OTUB2: variants seen among roughly 807,000 people sequenced by gnomAD.
OTUB2 encodes the protein ubiquitin thioesterase OTUB2.
Under a neutral mutation model 25.1 loss-of-function variants are expected in OTUB2, and 21 were observed. The ratio of observed to expected loss-of-function variants is 0.84; its 90% confidence interval spans 0.59 to 1.21. OTUB2 has a LOEUF of 1.21. Among genes scored for constraint, OTUB2 ranks in the 50% most tolerant of loss-of-function variants. The pLI is 0.00. For missense variants in OTUB2, 283 were observed against 298.0 expected (o/e 0.95, Z 0.37); for synonymous variants, 122 against 122.8 (o/e 0.99, Z 0.04).
chr14:94,027,171 G>T (rs1174009831), intron 1 of OTUB2, among the ~76,000 whole-genome samples: 1 of 152,250 alleles, frequency 6.6e-6, no homozygotes, highest in Non-Finnish European at 1.5e-5. Context: ...GCAGAACGAG[G>T]CCCAGAGACC....
At position 94,044,726 on chromosome 14, in the gene OTUB2, C is replaced by T. The variant is rs1885236077; in HGVS notation, c.444C>T (p.Asp148=). 6.2e-7 allele frequency: 1 copy of T among 1,613,848 alleles called. No individual in the cohort carries two copies. Among genetic ancestry groups the T allele is most frequent in the Admixed American group, 1.7e-5 (1 of 60,010 alleles). Residue 148 remains aspartate, a synonymous_variant, in exon 5 of 6, where the codon GAC becomes GAT. Coordinates refer to ENST00000203664, the MANE Select transcript of OTUB2 (RefSeq NM_023112.4). Reference sequence around the variant, plus strand: ...CGGCCTTCATCAGGAACCGAGCAGACTTCTTCCGGCACTTCATTGATGAGG... The same window carrying T: ...CGGCCTTCATCAGGAACCGAGCAGATTTCTTCCGGCACTTCATTGATGAGG... ...LTSAFIRNRA[D]FFRHFIDEEM... is the part of the protein sequence containing the mutation.
At position 94,045,855 on chromosome 14, in the gene OTUB2, C is replaced by T. The variant is rs374701893; in HGVS notation, c.638C>T (p.Thr213Ile). ...LNHHVFPEAA[T>I]PSVYLLYKTS... The stretch of plus-strand genomic sequence containing the variant: ...CACCACGTGTTCCCTGAGGCCGCCA[C>T]CCCTTCCGTTTACCTGCTCTATAAA... The change falls in exon 6 of 6, where the codon ACC becomes ATC. Residue 213 changes from threonine to isoleucine, a missense_variant. Thr to Ile is a moderately conservative substitution (Grantham distance 89). Transcript: ENST00000203664. The T allele has an allele frequency of 6.2e-6, 10 of 1,614,098 alleles. No homozygotes were observed. The African/African-American group carries it at 1.2e-4, about 19-fold the overall frequency.
chr14:94,030,891 C>T (rs1173856867), intron 1 of OTUB2, among the ~76,000 whole-genome samples: 3 of 152,136 alleles, frequency 2.0e-5, no homozygotes, highest in African/African-American at 7.2e-5. Context: ...ATAGATTCTC[C>T]TCTAGAGCCC....
intron 5 of OTUB2, 128 bp downstream of exon 5, chr14:94,044,908 AG>A: frequency 9.9e-7 from 1 of 1,005,692 alleles, no homozygotes; most frequent in Non-Finnish European, 1.4e-6. Context: ...AAACAGAGCT[AG>A]GTCAGCAAGC....
chr14:94,030,604 G>T (rs776366697), intron 1 of OTUB2, among the ~76,000 whole-genome samples: 19 of 152,114 alleles, frequency 1.2e-4, no homozygotes, highest in Non-Finnish European at 2.6e-4. Context: ...GCAGGGTCTT[G>T]TCACTTTTCT....
In OTUB2 at chr14:94,026,611, G is replaced by C. The variant is rs1884866264; in HGVS notation, c.3+71G>C. 15 of 1,183,426 alleles carry C rather than the reference G, an allele frequency of 1.3e-5. 1 individual carries two copies. The South Asian group carries it at 5.1e-4, about 40-fold the overall frequency. The allele number at this position is 1,183,426 out of a possible 1,614,324, so 73.3% of individuals were successfully genotyped here. On this transcript the variant is annotated intron_variant, in intron 1 of 5. Transcript: ENST00000203664. ...CGGTGGGCGGGGTCGCTGCCGGAGC[G>C]GGTGCACCCGCGGGACGGGGGTCGG...
In OTUB2 at chr14:94,046,018, T is replaced by C. The variant is rs949035753; in HGVS notation, c.*96T>C. On this transcript the variant is annotated 3_prime_UTR_variant, in exon 6 of 6. Coordinates refer to ENST00000203664, the MANE Select transcript of OTUB2 (RefSeq NM_023112.4). ...TCAATTTTTTAAGCAATTTAGACTG[T>C]AGCAAGAAAATGTGCAGCCTTTTGG... 18 of 1,387,298 alleles carry C rather than the reference T, an allele frequency of 1.3e-5. No homozygotes were observed. The highest frequency in any genetic ancestry group is 6.2e-5 in the South Asian group (5 of 80,648). The allele number at this position is 1,387,298 out of a possible 1,614,324, so 85.9% of individuals were successfully genotyped here. A position where few individuals can be genotyped will look rare whatever the true frequency, so the allele number is the denominator to read the frequency against.
rs541922112 is a variant in OTUB2 at position 94,035,575 on chromosome 14, C to T, written c.4-1805C>T. On this transcript the variant is annotated intron_variant, in intron 1 of 5. Transcript: ENST00000203664. ...AAGTGCTGGTATTACAAGCATGAGC[C>T]ACCGTGCCTGGCCCATCCAGTTCTT... Among the ~76,000 whole-genome samples the T allele has an allele frequency of 1.6e-4, 24 of 152,276 alleles. No homozygotes were observed. The South Asian group carries it at 3.5e-3, about 22-fold the overall frequency.
At chr14:94,033,057 G>A (rs900002712) in intron 1 of OTUB2, among the ~76,000 whole-genome samples, 1 of 152,146 alleles carries the variant, frequency 6.6e-6, no homozygotes. Context: ...GACTACAGGT[G>A]CCCACCACCA....
At chr14:94,040,247 C>A (rs1355151982) in intron 3 of OTUB2, among the ~76,000 whole-genome samples, 1 of 152,202 alleles carries the variant, frequency 6.6e-6, no homozygotes, top group East Asian at 1.9e-4. Flanking sequence ...GATTGTTTTG[C>A]CAGTGACAGA....
chr14:94,028,439 G>A (rs1044551776), intron 1 of OTUB2, among the ~76,000 whole-genome samples: 8 of 152,196 alleles, frequency 5.3e-5, no homozygotes, highest in Non-Finnish European at 1.0e-4. Context: ...GAGGAAGGGC[G>A]CCCCGTGGAA....
intron 5 of OTUB2, among the ~76,000 whole-genome samples, chr14:94,045,290 G>A (rs1885249498): frequency 6.6e-6 from 1 of 152,084 alleles, no homozygotes; most frequent in Non-Finnish European, 1.5e-5. Flanking sequence ...CGTCTCTGCA[G>A]CACCCGGACT....
intron 1 of OTUB2, among the ~76,000 whole-genome samples, chr14:94,030,852 G>C (rs963105481): frequency 1.3e-5 from 2 of 152,012 alleles, no homozygotes. Context: ...CGGGAAACCC[G>C]GGAGCCTCTA....
rs909009495 is a variant in OTUB2, at chr14:94,047,716, C to T, written c.*1794C>T. The T allele has an allele frequency of 2.1e-4, 32 of 152,264 alleles. No individual in the cohort carries two copies. Among genetic ancestry groups the T allele is most frequent in the African/African-American group, 7.5e-4 (31 of 41,460 alleles). 9.4% of individuals were successfully genotyped at this position (152,264 alleles called of 1,614,324 possible). A position where few individuals can be genotyped will look rare whatever the true frequency, so the allele number is the denominator to read the frequency against. On this transcript the variant is annotated 3_prime_UTR_variant, in exon 6 of 6. Transcript: ENST00000203664. ...GTTCTAAGGGGCTGTAAGGTGGGCT[C>T]TGGGCCTTCCAGCTAGGCTCTCAAG...
intron 1 of OTUB2, among the ~76,000 whole-genome samples, chr14:94,028,349 A>T (rs111334034): frequency 6.6e-6 from 1 of 152,134 alleles, no homozygotes; most frequent in Non-Finnish European, 1.5e-5. Context: ...CATTGTGTGG[A>T]TGGTGGTGAC....
chr14:94,030,886 T>C (rs1884950573), intron 1 of OTUB2, among the ~76,000 whole-genome samples: 1 of 152,108 alleles, frequency 6.6e-6, no homozygotes, highest in South Asian at 2.1e-4. Flanking sequence ...AGAAAATAGA[T>C]TCTCCTCTAG....
intron 2 of OTUB2, 62 bp downstream of exon 2, chr14:94,037,537 TG>T: frequency 8.6e-7 from 1 of 1,159,222 alleles, no homozygotes; most frequent in East Asian, 2.6e-5. Flanking sequence ...GGGAGTGTAA[TG>T]GTGATGCCTC....
chr14:94,028,034 G>A (rs747967187), intron 1 of OTUB2, among the ~76,000 whole-genome samples: 1 of 152,212 alleles, frequency 6.6e-6, no homozygotes, highest in African/African-American at 2.4e-5. Context: ...CAGCAGAGGC[G>A]GTAGCTGCTC....
chr14:94,039,811 G>A (rs1885124905), intron 3 of OTUB2, among the ~76,000 whole-genome samples: 1 of 152,176 alleles, frequency 6.6e-6, no homozygotes, highest in Non-Finnish European at 1.5e-5. Context: ...GGGTCTCAGA[G>A]CCCTTAGAGG....
Sources: allele counts gnomAD v4.1 joint callset (sites outside exome capture counted in the v4.1 genomes callset), GRCh38; gene constraint gnomAD v4.1.1; transcripts MANE v1.5; gene names NCBI Gene and HGNC (gene_info 2026-07-23, HGNC 2026-07-21).